Variants in RNF115 observed in about 807,000 individuals in gnomAD.
The protein encoded by RNF115 is E3 ubiquitin-protein ligase RNF115.
Under a neutral mutation model 39.2 loss-of-function variants are expected in RNF115, and 31 were observed. That is an observed-to-expected ratio of 0.79 (90% CI 0.59 to 1.07). The LOEUF (loss-of-function observed/expected upper bound fraction) is 1.07, where lower values mean the gene tolerates loss of function less well. Among genes scored for constraint, RNF115 ranks in the 50% least tolerant of loss-of-function variants. The pLI, the probability that RNF115 is intolerant of heterozygous loss-of-function variation, is 0.00. For synonymous variants in RNF115, 124 were observed against 131.0 expected, an observed-to-expected ratio of 0.95 and a Z score of 0.37; for missense variants, 384 against 381.7, an observed-to-expected ratio of 1.01 and a Z score of -0.05.
chr1:145,748,226 GA>G, intron 7 of RNF115, 116 bp from the exon 8 acceptor site: 1 of 695,426 alleles, frequency 1.4e-6, no homozygotes, highest in South Asian at 1.7e-5. Context: ...AGAGACAAAA[GA>G]AAATGTACAC....
At position 145,771,784 on chromosome 1, in the gene RNF115, G is replaced by C. The variant is rs1311795407; in HGVS notation, c.355C>G (p.Pro119Ala). 9 of 1,614,048 alleles carry C rather than the reference G, an allele frequency of 5.6e-6. No individual in the cohort carries two copies. Among genetic ancestry groups the C allele is most frequent in the Non-Finnish European group, 7.6e-6 (9 of 1,180,022 alleles). Reference sequence around the variant, plus strand: ...TATCTCCGACCCAATGGCAACCGTGGAGGTCTTGCTCCCCAGAAGTCAGTG... The same window carrying C: ...TATCTCCGACCCAATGGCAACCGTGCAGGTCTTGCTCCCCAGAAGTCAGTG... ...THTDFWGARP[P>A]RLPLGRRYRS... is the part of the protein sequence containing the mutation. The change falls in exon 4 of 9, where the codon CCA (proline) becomes GCA (alanine). Residue 119 changes from proline to alanine, a missense_variant. Physicochemically the swap from Pro to Ala is conservative, Grantham distance 27. Coordinates refer to ENST00000582693, the MANE Select transcript of RNF115 (RefSeq NM_014455.4).
chr1:145,811,117 G>A (rs1171439950), intron 1 of RNF115, among the ~76,000 whole-genome samples: 6 of 151,270 alleles, frequency 4.0e-5, no homozygotes, highest in African/African-American at 9.7e-5. Context: ...TGATCCAACC[G>A]CCTTGGTATC....
rs1312926258 is a variant in RNF115 at position 145,823,787 on chromosome 1, G to C, written c.87C>G (p.Val29=). The change falls in exon 1 of 9, where the codon GTC becomes GTG. Residue 29 remains valine, a synonymous_variant. Coordinates refer to ENST00000582693, the MANE Select transcript of RNF115 (RefSeq NM_014455.4). ...RFFCHFCKGE[V]SPKLPEYICP... The stretch of plus-strand genomic sequence containing the variant: ...GCGCTCTTACCGGTAGTTTGGGGCT[G>C]ACCTCGCCCTTGCAAAAGTGGCAGA... 1 of 1,581,824 alleles carries C rather than the reference G, an allele frequency of 6.3e-7. No homozygotes were observed. The highest frequency in any genetic ancestry group is 8.6e-7 in the Non-Finnish European group (1 of 1,167,292).
chr1:145,770,243 T>C (rs587659741), intron 4 of RNF115, among the ~76,000 whole-genome samples: 15 of 152,294 alleles, frequency 9.8e-5, no homozygotes, highest in African/African-American at 3.6e-4. Flanking sequence ...CTTAGTATGA[T>C]AGTGCATATA....
At chr1:145,820,003 A>G (rs1262946079) in intron 1 of RNF115, among the ~76,000 whole-genome samples, 1 of 148,220 alleles carries the variant, frequency 6.7e-6, no homozygotes, top group Non-Finnish European at 1.5e-5. Context: ...GTTCCACTGC[A>G]CTCCAGCCTG....
At chr1:145,768,140 G>A (rs1285948216) in intron 4 of RNF115, among the ~76,000 whole-genome samples, 8 of 152,218 alleles carry the variant, frequency 5.3e-5, no homozygotes, top group Admixed American at 4.6e-4. Flanking sequence ...CCTCTTTCAC[G>A]GCAAAGCCTT....
At chr1:145,778,450 G>GTGAA (rs1303565631) in intron 3 of RNF115, among the ~76,000 whole-genome samples, 1 of 152,078 alleles carries the variant, frequency 6.6e-6, no homozygotes, top group Non-Finnish European at 1.5e-5. Context: ...CCACTTAGCT[G>GTGAA]TACACTTTAA....
At chr1:145,821,603 T>G (rs1284492663) in intron 1 of RNF115, among the ~76,000 whole-genome samples, 1 of 82,334 alleles carries the variant, frequency 1.2e-5, no homozygotes, top group African/African-American at 3.7e-5. Context: ...TAGCTGGGAC[T>G]ACAGGTGCAT....
chr1:145,771,217 G>A (rs1290643979), intron 4 of RNF115, among the ~76,000 whole-genome samples: 1 of 152,210 alleles, frequency 6.6e-6, no homozygotes, highest in Non-Finnish European at 1.5e-5. Flanking sequence ...TATCCTGGAA[G>A]TGGATTAGTT....
chr1:145,809,470 T>A (rs1310908846), intron 1 of RNF115, among the ~76,000 whole-genome samples: 1 of 136,546 alleles, frequency 7.3e-6, no homozygotes, highest in East Asian at 2.2e-4. Flanking sequence ...TGTGCGCCAC[T>A]GCACCCAGAC....
At chr1:145,798,644 G>A (rs1419974959) in intron 1 of RNF115, among the ~76,000 whole-genome samples, 1 of 152,096 alleles carries the variant, frequency 6.6e-6, no homozygotes, top group Non-Finnish European at 1.5e-5. Context: ...CTGGCTATTA[G>A]GGGTAACGTG....
chr1:145,740,129 G>A lies in RNF115; in HGVS notation c.*6737C>T, dbSNP rs782116218. 3.9e-5 allele frequency: 6 copies of A among 152,120 alleles called. No individual in the cohort carries two copies. The highest frequency in any genetic ancestry group is 8.8e-5 in the Non-Finnish European group (6 of 68,038). The allele number at this position is 152,120 out of a possible 1,614,324, so 9.4% of individuals were successfully genotyped here. A position where few individuals can be genotyped will look rare whatever the true frequency, so the allele number is the denominator to read the frequency against. ...TCTAACTAAATAATAAACTCACATA[G>A]GTAGAGATGTCTTTTGTTTTTACTA... On this transcript the variant is annotated 3_prime_UTR_variant, in exon 9 of 9. Transcript: ENST00000582693.
chr1:145,759,049 G>A (rs1225320010), intron 4 of RNF115, among the ~76,000 whole-genome samples: 1 of 152,164 alleles, frequency 6.6e-6, no homozygotes, highest in Non-Finnish European at 1.5e-5. Flanking sequence ...CCAGGTAAGA[G>A]TCTTCACATA....
intron 2 of RNF115, among the ~76,000 whole-genome samples, chr1:145,787,904 AG>A (rs1553718360): frequency 6.6e-6 from 1 of 152,158 alleles, no homozygotes; most frequent in Non-Finnish European, 1.5e-5. Flanking sequence ...AAAAGAAAAA[AG>A]AAAAAAGATT....
chr1:145,791,788 TATA>T (rs1173988022), intron 1 of RNF115, among the ~76,000 whole-genome samples: 1 of 152,178 alleles, frequency 6.6e-6, no homozygotes, highest in Non-Finnish European at 1.5e-5. Flanking sequence ...GAGACTGCCT[TATA>T]ATAATTTTTT....
rs1553717893 is a variant in RNF115, at chr1:145,784,586, C to G, written c.172G>C (p.Gly58Arg). The G allele has an allele frequency of 1.2e-6, 2 of 1,613,888 alleles. No homozygotes were observed. Residue 58 changes from glycine (G) to arginine (R), a missense_variant, in exon 3 of 9, where the codon GGT becomes CGT. Transcript: ENST00000582693. The part of the protein sequence containing the change: ...EVTDDSSFLG[G>R]GGSRIDNTTT... ...GTATTGTCTATCCGACTGCCGCCAC[C>G]ACCTAAAAAACTAAAGAGAAAAGGA...
chr1:145,804,837 A>C (rs149907652), intron 1 of RNF115, among the ~76,000 whole-genome samples: 75 of 152,282 alleles, frequency 4.9e-4, no homozygotes, highest in African/African-American at 1.8e-3. Context: ...GGGGAAGTGG[A>C]GGGATGGAGA....
intron 3 of RNF115, among the ~76,000 whole-genome samples, chr1:145,783,661 C>G (rs587623447): frequency 9.1e-4 from 139 of 152,136 alleles, no homozygotes; most frequent in African/African-American, 3.3e-3. Context: ...TAGAGCTGAA[C>G]AAGTTGTATG....
At chr1:145,818,551 T>TA (rs1236161236) in intron 1 of RNF115, among the ~76,000 whole-genome samples, 1 of 138,512 alleles carries the variant, frequency 7.2e-6, no homozygotes, top group Non-Finnish European at 1.6e-5. Context: ...GACTTTTCAG[T>TA]AAAAAATGAA....
Sources: gnomAD v4.1 joint callset for allele counts (sites outside exome capture counted in the v4.1 genomes callset) on GRCh38, gnomAD v4.1.1 for gene constraint, MANE v1.5 for transcripts, NCBI Gene and HGNC (gene_info 2026-07-23, HGNC 2026-07-21) for gene names.